Variants in CDC16 observed in about 807,000 individuals in gnomAD.
CDC16 encodes the protein cell division cycle 16.
A neutral mutation model predicts 87.0 loss-of-function variants in CDC16; 34 were observed. The observed-to-expected ratio is 0.39, with a 90% CI of 0.30 to 0.52. The LOEUF (loss-of-function observed/expected upper bound fraction) is 0.52, where lower values mean the gene tolerates loss of function less well. CDC16 is among the 20% of genes least tolerant of loss of function. The probability of loss-of-function intolerance (pLI) is 0.74; values close to 1 mark genes in which losing one functional copy is unlikely to be tolerated. For synonymous variants in CDC16, 263 were observed against 260.6 expected, an observed-to-expected ratio of 1.01 and a Z score of -0.09; for missense variants, 653 against 751.9, an observed-to-expected ratio of 0.87 and a Z score of 1.54.
At chr13:114,266,766 T>C (rs1411330204) in intron 17 of CDC16, among the ~76,000 whole-genome samples, 1 of 152,016 alleles carries the variant, frequency 6.6e-6, no homozygotes, top group African/African-American at 2.4e-5. Context: ...GGATCTCTGC[T>C]CACTGCAAGC....
chr13:114,270,335 G>A (rs370277834), intron 17 of CDC16, among the ~76,000 whole-genome samples: 1 of 152,090 alleles, frequency 6.6e-6, no homozygotes, highest in Admixed American at 6.6e-5. Flanking sequence ...TCACTATCAC[G>A]AGAACAGCAC....
intron 15 of CDC16, among the ~76,000 whole-genome samples, 199 bp from the exon 16 acceptor site, chr13:114,262,680 G>A (rs567273693): frequency 2.6e-5 from 4 of 152,322 alleles, no homozygotes; most frequent in African/African-American, 7.2e-5. Context: ...GCCCTTGGCC[G>A]GCGGAGGGAG....
At chr13:114,241,131 C>T (rs1043964239) in intron 5 of CDC16, among the ~76,000 whole-genome samples, 8 of 152,140 alleles carry the variant, frequency 5.3e-5, no homozygotes, top group African/African-American at 7.2e-5. Context: ...TCCACATCTT[C>T]GTGTTTATGG....
chr13:114,247,971 C>G (rs960007105), intron 11 of CDC16, among the ~76,000 whole-genome samples: 2 of 152,102 alleles, frequency 1.3e-5, no homozygotes, highest in Non-Finnish European at 2.9e-5. Flanking sequence ...TTACAGAGAT[C>G]CTGTTAACCT....
At position 114,234,920 on chromosome 13, in the gene CDC16, GTGC is replaced by G. The variant is rs2081160559; in HGVS notation, c.-164_-162del. On this transcript the variant is annotated 5_prime_UTR_variant, in exon 1 of 18. Coordinates refer to ENST00000356221, the MANE Select transcript of CDC16 (RefSeq NM_001078645.3). ...GCAGTGCACGGGGCCTGGGTGGGGG[GTGC>G]GGGTGTGGGTGGGGACCTGCGGCCT... The G allele has an allele frequency of 2.4e-6, 1 of 408,220 alleles. No individual in the cohort carries two copies. The highest frequency in any genetic ancestry group is 4.2e-6 in the Non-Finnish European group (1 of 237,712). 25.3% of individuals were successfully genotyped at this position (408,220 alleles called of 1,614,324 possible).
At chr13:114,271,631 T>C (rs911666614) in intron 17 of CDC16, among the ~76,000 whole-genome samples, 23 of 151,880 alleles carry the variant, frequency 1.5e-4, no homozygotes, top group East Asian at 1.2e-3. Flanking sequence ...CCCGCCACCA[T>C]GCCCGGCTAA....
chr13:114,249,613 A>G (rs1018014788), intron 11 of CDC16, among the ~76,000 whole-genome samples: 1 of 152,236 alleles, frequency 6.6e-6, no homozygotes. Context: ...TTCACTGTAT[A>G]CAATTATTCA....
chr13:114,245,189 C>G (rs2081793305), intron 9 of CDC16, among the ~76,000 whole-genome samples: 1 of 151,856 alleles, frequency 6.6e-6, no homozygotes, highest in Admixed American at 6.6e-5. Context: ...TCACTGCTTC[C>G]TACTACCTTT....
At chr13:114,251,706 A>AT (rs1240824291) in intron 12 of CDC16, among the ~76,000 whole-genome samples, 1 of 152,104 alleles carries the variant, frequency 6.6e-6, no homozygotes, top group Non-Finnish European at 1.5e-5. Context: ...AAGGACATTT[A>AT]TTTTTTCATA....
chr13:114,242,603 T>A lies in CDC16; in HGVS notation c.541+323T>A, dbSNP rs188841913. The A allele has an allele frequency of 5.1e-3, 1,178 of 230,988 alleles. 6 individuals carry two copies. Among genetic ancestry groups the A allele is most frequent in the Middle Eastern group, 0.014 (9 of 664 alleles). 14.3% of individuals were successfully genotyped at this position (230,988 alleles called of 1,614,324 possible). A position where few individuals can be genotyped will look rare whatever the true frequency, so the allele number is the denominator to read the frequency against. ...ACATCCTTGGGAAGACAGAGAAACA[T>A]CCATGTCCAGTTCCCAACTCCAGAG... is the stretch of plus-strand genomic sequence containing the variant. On this transcript the variant is annotated intron_variant, in intron 6 of 17. Transcript: ENST00000356221.
intron 6 of CDC16, 119 bp from the exon 7 acceptor site, chr13:114,243,138 G>T: frequency 1.7e-6 from 1 of 602,434 alleles, no homozygotes; most frequent in Non-Finnish European, 3.0e-6. Context: ...TTGATCTTAT[G>T]TTCTCTTTTG....
rs1486952262 is a variant in CDC16 at position 114,239,420 on chromosome 13, T to C, written c.311T>C (p.Phe104Ser). 1 of 1,613,276 alleles carries C rather than the reference T, an allele frequency of 6.2e-7. No individual in the cohort carries two copies. Among genetic ancestry groups the C allele is most frequent in the East Asian group, 2.2e-5 (1 of 44,902 alleles). ...DMEEPINKRL[F>S]EKYLKDESGF... ...GAAGAGCCCATCAATAAAAGATTAT[T>C]TGAAAAATACTTGAAGGACGAAAGT... The change falls in exon 5 of 18, where the codon TTT (phenylalanine) becomes TCT (serine). Residue 104 changes from phenylalanine (F) to serine (S), a missense_variant. By Grantham distance (155) the Phe-to-Ser change is radical. Transcript: ENST00000356221.
At chr13:114,272,117 A>C in intron 17 of CDC16, 67 bp from the exon 18 acceptor site, 1 of 870,426 alleles carries the variant, frequency 1.1e-6, no homozygotes, top group Non-Finnish European at 1.8e-6. Flanking sequence ...AGATGGTGTT[A>C]TATAACAATA....
At chr13:114,263,647 CTG>C (rs1400610784) in intron 16 of CDC16, among the ~76,000 whole-genome samples, 2 of 152,202 alleles carry the variant, frequency 1.3e-5, no homozygotes, top group East Asian at 1.9e-4. Flanking sequence ...GGGCCAGTAT[CTG>C]TGTTTTCTCA....
chr13:114,254,344 G>A (rs774758617), intron 12 of CDC16, among the ~76,000 whole-genome samples: 29 of 151,928 alleles, frequency 1.9e-4, no homozygotes, highest in Non-Finnish European at 3.7e-4. Flanking sequence ...ATTTTATAAT[G>A]TCCCATTTTA....
chr13:114,251,726 G>T (rs564990230), intron 12 of CDC16, among the ~76,000 whole-genome samples: 1 of 152,344 alleles, frequency 6.6e-6, no homozygotes, highest in Admixed American at 6.5e-5. Flanking sequence ...AGTTGTGGAG[G>T]TTGAGAAGTC....
intron 3 of CDC16, among the ~76,000 whole-genome samples, chr13:114,237,913 C>G (rs1386615851): frequency 6.6e-6 from 1 of 152,222 alleles, no homozygotes; most frequent in Non-Finnish European, 1.5e-5. Context: ...CCCACAAAGT[C>G]ATTCAGTGAC....
intron 17 of CDC16, among the ~76,000 whole-genome samples, chr13:114,267,515 G>A (rs930783282): frequency 5.3e-5 from 8 of 152,000 alleles, no homozygotes; most frequent in African/African-American, 1.7e-4. Context: ...AAAGTGCTAC[G>A]TATTGGTAGT....
intron 12 of CDC16, among the ~76,000 whole-genome samples, chr13:114,255,664 A>T (rs1007756337): frequency 2.0e-5 from 3 of 152,094 alleles, no homozygotes; most frequent in African/African-American, 4.8e-5. Context: ...CAACCTGTAC[A>T]TAGAGTCTCA....
Sources: gnomAD v4.1 joint callset for allele counts (sites outside exome capture counted in the v4.1 genomes callset) on GRCh38, gnomAD v4.1.1 for gene constraint, MANE v1.5 for transcripts, NCBI Gene and HGNC (gene_info 2026-07-23, HGNC 2026-07-21) for gene names.